GPC6: variants seen among roughly 807,000 people sequenced by gnomAD.
GPC6 encodes the protein glypican-6.
In GPC6, 14 loss-of-function variants were observed where a neutral mutation model predicts 55.2. That is an observed-to-expected ratio of 0.25 (90% CI 0.17 to 0.40). The LOEUF (loss-of-function observed/expected upper bound fraction) is 0.40. Ranked by LOEUF, GPC6 falls within the 10% of genes least tolerant of loss-of-function variation. The pLI, the probability that GPC6 is intolerant of heterozygous loss-of-function variation, is 1.00. For missense variants in GPC6, 641 were observed against 708.5 expected (o/e 0.90, Z 1.08); for synonymous variants, 278 against 259.6 (o/e 1.07, Z -0.68).
intron 2 of GPC6, among the ~76,000 whole-genome samples, chr13:93,593,062 G>A (rs1309295723): frequency 6.6e-6 from 1 of 151,992 alleles, no homozygotes. Context: ...TAAAATAAAT[G>A]AGATAATCTT....
chr13:93,602,994 TTTTTTC>T (rs869058797), intron 2 of GPC6, among the ~76,000 whole-genome samples: 3 of 148,242 alleles, frequency 2.0e-5, no homozygotes, highest in African/African-American at 7.4e-5. Context: ...TTCTTTTTTC[TTTTTTC>T]TTTTTCTTTC....
chr13:93,803,772 A>G (rs1886454633), intron 2 of GPC6, among the ~76,000 whole-genome samples: 1 of 152,202 alleles, frequency 6.6e-6, no homozygotes, highest in Non-Finnish European at 1.5e-5. Flanking sequence ...AAATACTGAT[A>G]CATGCTGCAA....
chr13:94,302,803 G>A (rs1272512070), intron 5 of GPC6, among the ~76,000 whole-genome samples: 3 of 152,204 alleles, frequency 2.0e-5, no homozygotes, highest in Non-Finnish European at 4.4e-5. Flanking sequence ...TCTGACCTGG[G>A]GTTCTTGGCC....
At chr13:93,962,317 T>G (rs940204238) in intron 3 of GPC6, among the ~76,000 whole-genome samples, 1 of 152,162 alleles carries the variant, frequency 6.6e-6, no homozygotes, top group African/African-American at 2.4e-5. Flanking sequence ...TTTGTTGAAA[T>G]TAATTATTGA....
intron 1 of GPC6, among the ~76,000 whole-genome samples, chr13:93,346,580 A>G (rs1880438660): frequency 6.6e-6 from 1 of 152,188 alleles, no homozygotes; most frequent in African/African-American, 2.4e-5. Context: ...AAGTGTAGAA[A>G]GTGCATCTCT....
At chr13:94,234,142 G>A (rs1890807616) in intron 4 of GPC6, among the ~76,000 whole-genome samples, 1 of 152,072 alleles carries the variant, frequency 6.6e-6, no homozygotes, top group East Asian at 1.9e-4. Flanking sequence ...GGAGACAGAA[G>A]AGACATCTGG....
chr13:94,200,940 T>C (rs78433231), intron 4 of GPC6, among the ~76,000 whole-genome samples: 3,083 of 152,296 alleles, frequency 0.02, 89 homozygotes, highest in African/African-American at 0.065. Flanking sequence ...GTCCCAGTAA[T>C]GCCAGGAAAC....
chr13:93,992,174 T>TGG (rs1463057194), intron 3 of GPC6, among the ~76,000 whole-genome samples: 1 of 145,764 alleles, frequency 6.9e-6, no homozygotes, highest in Non-Finnish European at 1.5e-5. Context: ...CAGAGATATG[T>TGG]GTGTATATAT....
intron 4 of GPC6, among the ~76,000 whole-genome samples, chr13:94,075,724 T>C (rs1028148795): frequency 3.3e-5 from 5 of 152,174 alleles, no homozygotes; most frequent in Non-Finnish European, 7.4e-5. Flanking sequence ...TATTTGTCCT[T>C]CTATGCCTGG....
At chr13:94,345,755 T>C (rs1361121761) in intron 6 of GPC6, among the ~76,000 whole-genome samples, 3 of 152,166 alleles carry the variant, frequency 2.0e-5, no homozygotes, top group African/African-American at 7.2e-5. Context: ...GTTGGTATCA[T>C]TATTATTTTT....
intron 4 of GPC6, among the ~76,000 whole-genome samples, chr13:94,116,927 T>C (rs959914963): frequency 6.6e-6 from 1 of 151,964 alleles, no homozygotes; most frequent in Non-Finnish European, 1.5e-5. Context: ...GTTGATCTCT[T>C]ATTATTATTA....
chr13:93,232,422 G>A (rs1172184078), intron 1 of GPC6, among the ~76,000 whole-genome samples: 2 of 152,136 alleles, frequency 1.3e-5, no homozygotes, highest in South Asian at 4.1e-4. Context: ...CAATCTAAAA[G>A]TTGGGCTATT....
chr13:94,335,739 T>C (rs1467969134), intron 6 of GPC6, among the ~76,000 whole-genome samples: 1 of 152,172 alleles, frequency 6.6e-6, no homozygotes, highest in Non-Finnish European at 1.5e-5. Flanking sequence ...GTTTCTGAAA[T>C]AATAAAGACC....
chr13:93,966,483 GTA>G (rs1880048747), intron 3 of GPC6, among the ~76,000 whole-genome samples: 1 of 152,080 alleles, frequency 6.6e-6, no homozygotes, highest in African/African-American at 2.4e-5. Context: ...GATCTTCTGT[GTA>G]TACTTTGCTG....
chr13:93,342,726 T>C (rs1038476491), intron 1 of GPC6, among the ~76,000 whole-genome samples: 1 of 152,076 alleles, frequency 6.6e-6, no homozygotes. Context: ...GGCATTAGCA[T>C]TGGCAGGTCT....
At chr13:94,141,544 C>T (rs1322394203) in intron 4 of GPC6, among the ~76,000 whole-genome samples, 1 of 152,072 alleles carries the variant, frequency 6.6e-6, no homozygotes, top group Non-Finnish European at 1.5e-5. Flanking sequence ...AGGCATGTCC[C>T]ACCTCCCTTT....
intron 1 of GPC6, among the ~76,000 whole-genome samples, chr13:93,249,824 A>G (rs1010769024): frequency 2.0e-5 from 3 of 152,180 alleles, no homozygotes; most frequent in Non-Finnish European, 2.9e-5. Context: ...TTGAAAATAT[A>G]CATATGTTGC....
intron 2 of GPC6, among the ~76,000 whole-genome samples, chr13:93,767,936 C>G (rs1052532153): frequency 6.6e-5 from 10 of 151,990 alleles, no homozygotes; most frequent in African/African-American, 2.2e-4. Flanking sequence ...TTCCCCCTCA[C>G]TGATTTGGTT....
chr13:93,486,562 C>T (rs1183345299), intron 1 of GPC6, among the ~76,000 whole-genome samples: 1 of 152,096 alleles, frequency 6.6e-6, no homozygotes. Flanking sequence ...TTGTTTATAT[C>T]CAAAATAGGA....
Sources: allele counts gnomAD v4.1 joint callset (sites outside exome capture counted in the v4.1 genomes callset), GRCh38; gene constraint gnomAD v4.1.1; transcripts MANE v1.5; gene names NCBI Gene and HGNC (gene_info 2026-07-23, HGNC 2026-07-21).